SYNPR: variants seen among roughly 807,000 people sequenced by gnomAD.
SYNPR encodes synaptoporin.
A neutral mutation model predicts 32.9 loss-of-function variants in SYNPR; 23 were observed. The ratio of observed to expected loss-of-function variants is 0.70; its 90% CI spans 0.50 to 0.99. The LOEUF (loss-of-function observed/expected upper bound fraction) is 0.99, where lower values mean the gene tolerates loss of function less well. SYNPR is among the 50% of genes least tolerant of loss of function. The probability of loss-of-function intolerance (pLI) is 0.00; values close to 1 mark genes in which losing one functional copy is unlikely to be tolerated. For synonymous variants in SYNPR, 146 were observed against 135.9 expected (o/e 1.07, Z -0.52); for missense variants, 318 against 349.3 (o/e 0.91, Z 0.71).
intron 4 of SYNPR, among the ~76,000 whole-genome samples, chr3:63,595,904 G>GTT (rs1331919478): frequency 2.7e-5 from 2 of 74,828 alleles, no homozygotes; most frequent in African/African-American, 4.8e-5. Flanking sequence ...TATATATATA[G>GTT]TTATATATAT....
chr3:63,414,948 G>C (rs2088520398), intron 2 of SYNPR, among the ~76,000 whole-genome samples: 1 of 152,058 alleles, frequency 6.6e-6, no homozygotes, highest in African/African-American at 2.4e-5. Flanking sequence ...CTAAACTCAG[G>C]AATGTGCTAC....
chr3:63,211,130 G>T, the SYNPR span, among the ~76,000 whole-genome samples: 2 of 152,074 alleles, frequency 1.3e-5, no homozygotes, highest in African/African-American at 4.8e-5. Flanking sequence ...GTGCAGTGGC[G>T]CGATCTTGGC....
At chr3:63,319,351 G>T (rs749723986) in intron 2 of SYNPR, among the ~76,000 whole-genome samples, 31 of 151,930 alleles carry the variant, frequency 2.0e-4, no homozygotes, top group Non-Finnish European at 3.7e-4. Flanking sequence ...TTGAAGTCAG[G>T]TAATGTGATG....
rs1032526400 is a variant in SYNPR at position 63,416,073 on chromosome 3, C to T, written c.85-64759C>T. Among the ~76,000 whole-genome samples the T allele has an allele frequency of 6.6e-5, 10 of 152,332 alleles. No individual in the cohort carries two copies. The South Asian group carries it at 1.0e-3, about 16-fold the overall frequency. ...GAAGCCAATTGGTTGGAGTAAGATA[C>T]ACTTAATTTGACTGAGACTCTTCTG... is the stretch of plus-strand genomic sequence containing the variant. On this transcript the variant is annotated intron_variant, in intron 2 of 5. Transcript: ENST00000478300.
At chr3:63,574,610 C>T (rs1284610466) in intron 4 of SYNPR, among the ~76,000 whole-genome samples, 2 of 152,110 alleles carry the variant, frequency 1.3e-5, no homozygotes, top group Admixed American at 1.3e-4. Flanking sequence ...GTGGGAAAAC[C>T]ATACTGTAAG....
rs192546425 is a variant in SYNPR, at chr3:63,562,865, T to G, written c.408+6124T>G. On this transcript the variant is annotated intron_variant, in intron 4 of 5. Transcript: ENST00000478300. ...TAATCTTCTTGTGTGAAATATTATT[T>G]AACAGGTGGAAGCTGTTACTTCACG... is the stretch of plus-strand genomic sequence containing the variant. 3.3e-5 allele frequency among the ~76,000 whole-genome samples: 5 copies of G among 152,302 alleles called. No homozygotes were observed. In the East Asian group the frequency reaches 9.6e-4, roughly 29 times the overall value.
chr3:63,595,751 ATATATATATATATATAT>A (rs1559546218), intron 4 of SYNPR, among the ~76,000 whole-genome samples: 3,205 of 43,296 alleles, frequency 0.074, 253 homozygotes, highest in African/African-American at 0.12. Context: ...ATATATATAT[ATATATATATATATATAT>A]AATTTTATAT....
chr3:63,601,524 T>TTCCC (rs1431449126), intron 4 of SYNPR, among the ~76,000 whole-genome samples: 1 of 152,062 alleles, frequency 6.6e-6, no homozygotes, highest in Non-Finnish European at 1.5e-5. Flanking sequence ...TAGACCCTGG[T>TTCCC]TTCTGTTGTT....
At chr3:63,239,763 T>A (rs1226243682) in intron 1 of SYNPR, among the ~76,000 whole-genome samples, 2 of 150,802 alleles carry the variant, frequency 1.3e-5, no homozygotes, top group Non-Finnish European at 3.0e-5. Flanking sequence ...TATCATACCC[T>A]CATCCTACCA....
At chr3:63,530,244 G>A (rs1021703511) in intron 3 of SYNPR, among the ~76,000 whole-genome samples, 1 of 152,122 alleles carries the variant, frequency 6.6e-6, no homozygotes, top group Admixed American at 6.5e-5. Context: ...AGCAAATTAC[G>A]CAGCCTATTC....
At chr3:63,523,112 A>G (rs745576396) in intron 3 of SYNPR, among the ~76,000 whole-genome samples, 1 of 152,202 alleles carries the variant, frequency 6.6e-6, no homozygotes, top group Non-Finnish European at 1.5e-5. Context: ...AATTAGGGGA[A>G]TCATAGTAAC....
At chr3:63,307,584 A>G (rs2086920776) in intron 2 of SYNPR, among the ~76,000 whole-genome samples, 1 of 151,982 alleles carries the variant, frequency 6.6e-6, no homozygotes, top group African/African-American at 2.4e-5. Context: ...TGTAGCAGGC[A>G]GTTTCACCAC....
At chr3:63,377,641 C>A (rs1261808039) in intron 2 of SYNPR, among the ~76,000 whole-genome samples, 1 of 151,494 alleles carries the variant, frequency 6.6e-6, no homozygotes, top group Non-Finnish European at 1.5e-5. Flanking sequence ...TTTTTTAAAC[C>A]CTGCTTCATG....
the SYNPR span, among the ~76,000 whole-genome samples, chr3:63,210,746 T>C: frequency 5.6e-4 from 86 of 152,236 alleles, no homozygotes; most frequent in African/African-American, 1.5e-3. Flanking sequence ...TCAAACTATC[T>C]TTCCCTTTCT....
At chr3:63,341,306 T>G (rs2087367785) in intron 2 of SYNPR, among the ~76,000 whole-genome samples, 1 of 152,194 alleles carries the variant, frequency 6.6e-6, no homozygotes, top group Admixed American at 6.5e-5. Flanking sequence ...ACATCTTGTT[T>G]GCTTCCAGTT....
intron 2 of SYNPR, among the ~76,000 whole-genome samples, chr3:63,283,502 A>G (rs1381630631): frequency 1.3e-5 from 2 of 152,198 alleles, no homozygotes; most frequent in Non-Finnish European, 2.9e-5. Flanking sequence ...ATGATAAAAT[A>G]GGTCCAGCAA....
chr3:63,468,808 TACAAACAA>T (rs931645689), intron 2 of SYNPR, among the ~76,000 whole-genome samples: 5 of 151,908 alleles, frequency 3.3e-5, no homozygotes, highest in African/African-American at 1.2e-4. Context: ...CTCAAAAACA[TACAAACAA>T]ACAAACAAAC....
intron 2 of SYNPR, among the ~76,000 whole-genome samples, chr3:63,409,473 G>A (rs530292034): frequency 7.9e-5 from 12 of 152,152 alleles, no homozygotes; most frequent in African/African-American, 2.4e-4. Context: ...GGTTTCAGCA[G>A]GTTAATTCCT....
At chr3:63,285,957 T>G (rs1262959119) in intron 2 of SYNPR, among the ~76,000 whole-genome samples, 3 of 152,218 alleles carry the variant, frequency 2.0e-5, no homozygotes, top group African/African-American at 7.2e-5. Context: ...CCAGCGGTTA[T>G]GACGGTGATG....
Sources: allele counts gnomAD v4.1 joint callset (sites outside exome capture counted in the v4.1 genomes callset), GRCh38; gene constraint gnomAD v4.1.1; transcripts MANE v1.5; gene names NCBI Gene and HGNC (gene_info 2026-07-23, HGNC 2026-07-21).